The following GCH1 variants were observed in gnomAD, a reference collection of about 807,000 sequenced individuals.
The protein encoded by GCH1 is GTP cyclohydrolase I.
A neutral mutation model predicts 25.9 loss-of-function variants in GCH1; 5 were observed. The ratio of observed to expected loss-of-function variants is 0.19; its 90% CI spans 0.10 to 0.41. The LOEUF is 0.41. Among genes scored for constraint, GCH1 ranks in the 10% least tolerant of loss-of-function variants. The pLI, the probability that GCH1 is intolerant of heterozygous loss-of-function variation, is 1.00. For synonymous variants in GCH1, 159 were observed against 129.6 expected, an observed-to-expected ratio of 1.23 and a Z score of -1.54; for missense variants, 261 against 336.5, an observed-to-expected ratio of 0.78 and a Z score of 1.75.
intron 1 of GCH1, among the ~76,000 whole-genome samples, chr14:54,867,031 C>G (rs2039997354): frequency 6.6e-6 from 1 of 152,096 alleles, no homozygotes; most frequent in Non-Finnish European, 1.5e-5. Flanking sequence ...TTAATGTTTC[C>G]AAAAGTTTCT....
chr14:54,844,175 G>C, intron 5 of GCH1, 32 bp from the exon 6 acceptor site: 1 of 1,456,210 alleles, frequency 6.9e-7, no homozygotes, highest in Non-Finnish European at 9.7e-7. Context: ...GTTGTTTAAA[G>C]GAGTAGACAG....
intron 1 of GCH1, among the ~76,000 whole-genome samples, chr14:54,893,365 T>C (rs925920902): frequency 1.3e-5 from 2 of 152,190 alleles, no homozygotes; most frequent in African/African-American, 4.8e-5. Flanking sequence ...GTTTTAACAC[T>C]GCAGTCTACT....
At chr14:54,847,189 C>G in intron 3 of GCH1, 59 bp from the exon 4 acceptor site, 1 of 695,538 alleles carries the variant, frequency 1.4e-6, no homozygotes, top group Non-Finnish European at 2.5e-6. Flanking sequence ...AATTGATAAG[C>G]CTTCCTCATA....
intron 1 of GCH1, among the ~76,000 whole-genome samples, chr14:54,896,113 C>T (rs1045287087): frequency 2.6e-5 from 4 of 152,192 alleles, no homozygotes; most frequent in Admixed American, 1.3e-4. Flanking sequence ...AATTTTACAA[C>T]ACTTAAGTCA....
intron 1 of GCH1, among the ~76,000 whole-genome samples, chr14:54,877,496 C>CT (rs1053497296): frequency 7.3e-5 from 11 of 149,760 alleles, no homozygotes; most frequent in South Asian, 4.2e-4. Flanking sequence ...AGCCCAAGTG[C>CT]TTTTTTTTTT....
chr14:54,855,600 G>A (rs1482278108), intron 3 of GCH1, among the ~76,000 whole-genome samples: 1 of 151,250 alleles, frequency 6.6e-6, no homozygotes, highest in African/African-American at 2.4e-5. Flanking sequence ...GATCACTTGA[G>A]GCCAGGAGTT....
intron 1 of GCH1, among the ~76,000 whole-genome samples, chr14:54,894,759 T>G (rs1048204373): frequency 6.6e-6 from 1 of 152,210 alleles, no homozygotes; most frequent in African/African-American, 2.4e-5. Context: ...TGCCTTGTTA[T>G]TTTTTCTTCT....
At chr14:54,884,214 A>G (rs2040313952) in intron 1 of GCH1, among the ~76,000 whole-genome samples, 1 of 152,244 alleles carries the variant, frequency 6.6e-6, no homozygotes. Context: ...CTGATAGTTC[A>G]CATAAATGAA....
At chr14:54,880,774 C>CATAT (rs1201380481) in intron 1 of GCH1, among the ~76,000 whole-genome samples, 2 of 52,264 alleles carry the variant, frequency 3.8e-5, no homozygotes, top group African/African-American at 1.1e-4. Context: ...ATATATACTC[C>CATAT]ATATATATAT....
intron 1 of GCH1, among the ~76,000 whole-genome samples, chr14:54,877,925 T>C (rs2040186848): frequency 2.0e-5 from 3 of 152,132 alleles, no homozygotes; most frequent in Admixed American, 6.6e-5. Context: ...ACCTGAGAAT[T>C]TGCATTTCTA....
chr14:54,859,539 C>A (rs535838218), intron 3 of GCH1, 142 bp downstream of exon 3: 1 of 699,920 alleles, frequency 1.4e-6, no homozygotes, highest in Non-Finnish European at 2.6e-6. Context: ...GTGTTTCAGA[C>A]CCTCCAAGTC....
chr14:54,880,618 TATATATATACTCCATATATATATACTCC>T (rs2040242427), intron 1 of GCH1, among the ~76,000 whole-genome samples: 1 of 10,398 alleles, frequency 9.6e-5, no homozygotes, highest in African/African-American at 2.8e-4. Context: ...ATATACTCCA[TATATATATACTCCATATATATATACTCC>T]ATATATATAT....
At chr14:54,855,293 G>A (rs1467519908) in intron 3 of GCH1, among the ~76,000 whole-genome samples, 1 of 152,002 alleles carries the variant, frequency 6.6e-6, no homozygotes, top group African/African-American at 2.4e-5. Flanking sequence ...ATCACCTGAG[G>A]TTAGGAGTTC....
intron 3 of GCH1, among the ~76,000 whole-genome samples, chr14:54,849,667 A>T (rs2039695752): frequency 6.6e-6 from 1 of 152,202 alleles, no homozygotes; most frequent in East Asian, 1.9e-4. Flanking sequence ...TTTAGCCATT[A>T]TCTTCTCTAA....
At chr14:54,856,281 T>TC (rs1293743994) in intron 3 of GCH1, among the ~76,000 whole-genome samples, 3 of 152,192 alleles carry the variant, frequency 2.0e-5, no homozygotes, top group Non-Finnish European at 4.4e-5. Context: ...AGCAGGCATT[T>TC]CCATGGCACT....
rs1257075259 is a variant in GCH1, at chr14:54,842,992, T to C, written c.*1025A>G. ...TTAAAACGTTGGACACAGCTCATAA[T>C]GTCTTCCACCGTCAGTTCATTCTGT... On this transcript the variant is annotated 3_prime_UTR_variant, in exon 6 of 6. Transcript: ENST00000491895. The C allele has an allele frequency of 2.6e-6, 2 of 781,848 alleles. No individual in the cohort carries two copies. The highest frequency in any genetic ancestry group is 2.8e-5 in the South Asian group (2 of 70,536). 48.4% of individuals were successfully genotyped at this position (781,848 alleles called of 1,614,324 possible).
intron 1 of GCH1, among the ~76,000 whole-genome samples, chr14:54,877,506 T>C (rs1430003621): frequency 6.6e-6 from 1 of 152,114 alleles, no homozygotes; most frequent in Non-Finnish European, 1.5e-5. Flanking sequence ...CTTTTTTTTT[T>C]CTCTCGAGAC....
chr14:54,883,397 AAG>A, intron 1 of GCH1, among the ~76,000 whole-genome samples: 2 of 119,812 alleles, frequency 1.7e-5, no homozygotes, highest in East Asian at 2.8e-4. Context: ...AAAAAAAAAA[AAG>A]CCCGGTGCGG....
intron 1 of GCH1, among the ~76,000 whole-genome samples, chr14:54,869,378 A>G (rs1301373248): frequency 6.6e-6 from 1 of 151,942 alleles, no homozygotes; most frequent in Non-Finnish European, 1.5e-5. Flanking sequence ...TACCATGGCC[A>G]TGTGAGATGT....
Sources: gnomAD v4.1 joint callset for allele counts (sites outside exome capture counted in the v4.1 genomes callset) on GRCh38, gnomAD v4.1.1 for gene constraint, MANE v1.5 for transcripts, NCBI Gene and HGNC (gene_info 2026-07-23, HGNC 2026-07-21) for gene names.